Variants in ZNF544 observed in about 807,000 individuals in gnomAD.
The protein encoded by ZNF544 is zinc finger protein AF020591.
A neutral mutation model predicts 13.5 loss-of-function variants in ZNF544; 10 were observed. That is an observed-to-expected ratio of 0.74 (90% CI 0.46 to 1.25). ZNF544 has a LOEUF of 1.25. ZNF544 is among the 50% of genes most tolerant of loss of function. The pLI is 0.00. For synonymous variants in ZNF544, 323 were observed against 300.5 expected (o/e 1.07, Z -0.77); for missense variants, 896 against 845.6 (o/e 1.06, Z -0.74).
At chr19:58,276,438 A>C in intron 6 of ZNF544, 1 of 1,212,530 alleles carries the variant, frequency 8.2e-7, no homozygotes, top group Non-Finnish European at 1.0e-6. Flanking sequence ...AGGTGAGTGA[A>C]GACATCTGTC....
intron 6 of ZNF544, among the ~76,000 whole-genome samples, chr19:58,249,849 G>A (rs1445471163): frequency 6.6e-6 from 1 of 152,126 alleles, no homozygotes; most frequent in African/African-American, 2.4e-5. Context: ...TTTGGGCAAT[G>A]TCATTCAAGC....
rs533306532 is a variant in ZNF544, at chr19:58,262,825, G to T, written c.*71G>T. 155 of 1,527,552 alleles carry T rather than the reference G, an allele frequency of 1.0e-4. 3 individuals carry two copies. The South Asian group carries it at 1.8e-3, about 18-fold the overall frequency. The allele number at this position is 1,527,552 out of a possible 1,614,324, so 94.6% of individuals were successfully genotyped here. ...ATCATGCACCAGAGGACGCATGTCG[G>T]TGGGAAGAGCTATCAGTGTGACGTG... is the stretch of plus-strand genomic sequence containing the variant. On this transcript the variant is annotated 3_prime_UTR_variant, in exon 7 of 7. Coordinates refer to ENST00000687789, the MANE Select transcript of ZNF544 (RefSeq NM_014480.4).
chr19:58,234,769 A>G (rs1600212987), intron 3 of ZNF544, among the ~76,000 whole-genome samples: 1 of 152,262 alleles, frequency 6.6e-6, no homozygotes, highest in African/African-American at 2.4e-5. Context: ...ATTCAGAAAC[A>G]TTAAACTCTT....
In ZNF544 at chr19:58,272,427, C is replaced by T. The variant is rs1009959315; in HGVS notation, c.245-3896C>T. 7.9e-5 allele frequency among the ~76,000 whole-genome samples: 12 copies of T among 152,022 alleles called. 1 individual carries two copies. The highest frequency in any genetic ancestry group is 2.1e-4 in the South Asian group (1 of 4,808). On this transcript the variant is annotated intron_variant, in intron 5 of 6. Transcript: ENST00000595981. ...AAATAAAAAACCAGGTGTGGTGGCA[C>T]GCGCCTGTTGTTCCAGCTACTCAGG...
chr19:58,244,045 G>C lies in ZNF544; in HGVS notation c.22G>C (p.Val8Leu), dbSNP rs758838057. The change falls in exon 4 of 7, where the codon GTT becomes CTT. Residue 8 changes from valine to leucine, a missense_variant. Coordinates refer to ENST00000687789, the MANE Select transcript of ZNF544 (RefSeq NM_014480.4). ...GGAAATGGAAGCACGTTCTATGCTG[G>C]TTCCACCCCAGGTGAGTGGGGGGTC... Reference protein sequence around the residue: MEARSMLVPPQASVCFED... With the variant: MEARSMLLPPQASVCFED... The C allele has an allele frequency of 3.1e-6, 5 of 1,607,582 alleles. No homozygotes were observed. Among genetic ancestry groups the C allele is most frequent in the Non-Finnish European group, 3.4e-6 (4 of 1,176,876 alleles).
At chr19:58,275,508 A>G (rs1381170054) in intron 5 of ZNF544, among the ~76,000 whole-genome samples, 1 of 146,852 alleles carries the variant, frequency 6.8e-6, no homozygotes, top group East Asian at 2.2e-4. Context: ...GGAGATAAAC[A>G]AGAACTAGAA....
chr19:58,235,271 A>T (rs2042144408), intron 3 of ZNF544, among the ~76,000 whole-genome samples: 1 of 152,240 alleles, frequency 6.6e-6, no homozygotes, highest in Non-Finnish European at 1.5e-5. Context: ...GTATATGTAA[A>T]TATATCTAAA....
intron 6 of ZNF544, chr19:58,277,114 A>C: frequency 8.7e-7 from 1 of 1,147,862 alleles, no homozygotes; most frequent in Non-Finnish European, 1.1e-6. Flanking sequence ...GGCCTAGAGC[A>C]GGAGCTCAGT....
At position 58,236,816 on chromosome 19, in the gene ZNF544, A is replaced by G. The variant is rs373731051; in HGVS notation, c.-60+6354A>G. 1.5e-4 allele frequency among the ~76,000 whole-genome samples: 22 copies of G among 149,964 alleles called. 1 individual carries two copies. In the East Asian group the frequency reaches 4.0e-3, roughly 27 times the overall value. On this transcript the variant is annotated intron_variant, in intron 3 of 6. Coordinates refer to ENST00000687789, the MANE Select transcript of ZNF544 (RefSeq NM_014480.4). ...GAGTGCAGTGGCGGGATCTCAGCTC[A>G]CTGCAACCTCCATTCCCCGGGTTCA...
At chr19:58,241,144 A>AAAATATATATATATTTTAAT (rs1555755486) in intron 3 of ZNF544, among the ~76,000 whole-genome samples, 122 of 73,708 alleles carry the variant, frequency 1.7e-3, no homozygotes, top group Non-Finnish European at 2.3e-3. Context: ...GCCAATTTAA[A>AAAATATATATATATTTTAAT]ATATATATAT....
In ZNF544 at chr19:58,262,390, A is replaced by G; in HGVS notation, c.1784A>G (p.Lys595Arg). ...FSQSYQLVAH[K>R]RTHTGEKPYE... ...CAAAGCTATCAGTTAGTTGCACATA[A>G]AAGAACTCACACTGGAGAAAAGCCC... Residue 595 changes from lysine (K) to arginine (R), a missense_variant, in exon 7 of 7, where the codon AAA (lysine) becomes AGA (arginine). Physicochemically the swap from Lys to Arg is conservative, Grantham distance 26 (BLOSUM62 2). Transcript: ENST00000687789. 1 of 1,614,212 alleles carries G rather than the reference A, an allele frequency of 6.2e-7. No individual in the cohort carries two copies.
intron 3 of ZNF544, among the ~76,000 whole-genome samples, chr19:58,236,897 A>G (rs1411447882): frequency 6.6e-6 from 1 of 151,656 alleles, no homozygotes; most frequent in Admixed American, 6.6e-5. Flanking sequence ...GCGCGCCACC[A>G]TGCCCAGCTA....
downstream of ZNF544, among the ~76,000 whole-genome samples, chr19:58,265,230 G>GA (rs942651784): frequency 6.6e-6 from 1 of 151,908 alleles, no homozygotes; most frequent in Non-Finnish European, 1.5e-5. Context: ...TTTCCTAAAA[G>GA]AAAAAAATGT....
At chr19:58,260,722 A>T in intron 6 of ZNF544, 129 bp from the exon 7 acceptor site, 1 of 850,218 alleles carries the variant, frequency 1.2e-6, no homozygotes, top group Non-Finnish European at 1.8e-6. Flanking sequence ...CAGCCTGCAT[A>T]CGGATTACAG....
chr19:58,246,126 T>C (rs1166688489), intron 4 of ZNF544, among the ~76,000 whole-genome samples, 175 bp from the exon 5 acceptor site: 1 of 152,194 alleles, frequency 6.6e-6, no homozygotes, highest in African/African-American at 2.4e-5. Context: ...CAAGCCTCTT[T>C]TATGAGGACA....
At chr19:58,275,660 T>C (rs1341660547) in intron 5 of ZNF544, among the ~76,000 whole-genome samples, 2 of 151,486 alleles carry the variant, frequency 1.3e-5, no homozygotes, top group African/African-American at 4.9e-5. Context: ...AATACAAAAA[T>C]TAGCCAGGCA....
At chr19:58,272,712 G>A (rs762940001) in intron 5 of ZNF544, among the ~76,000 whole-genome samples, 7 of 151,088 alleles carry the variant, frequency 4.6e-5, no homozygotes, top group African/African-American at 1.2e-4. Context: ...GTGAAACCCC[G>A]TCTCTACTAA....
rs260464 is a variant in ZNF544 at position 58,263,396 on chromosome 19, G to T, written c.*642G>T. On this transcript the variant is annotated 3_prime_UTR_variant, in exon 7 of 7. Transcript: ENST00000687789. ...GGATCACTTGAGCTTGGGAGGCGGT[G>T]GTTGCAGTGAGCTGTGATCATGCCA... 548,595 of 979,550 alleles carry T rather than the reference G, an allele frequency of 0.56. 154,457 individuals carry two copies. Among genetic ancestry groups the T allele is most frequent in the Middle Eastern group, 0.67 (1,281 of 1,904 alleles). 60.7% of individuals were successfully genotyped at this position (979,550 alleles called of 1,614,324 possible). A position where few individuals can be genotyped will look rare whatever the true frequency, so the allele number is the denominator to read the frequency against.
intron 3 of ZNF544, among the ~76,000 whole-genome samples, chr19:58,241,299 A>T (rs1015769071): frequency 6.7e-6 from 1 of 149,398 alleles, no homozygotes; most frequent in Non-Finnish European, 1.5e-5. Context: ...GGCGTGAGCC[A>T]ATGTGCCTGG....
Sources: gnomAD v4.1 joint callset for allele counts (sites outside exome capture counted in the v4.1 genomes callset) on GRCh38, gnomAD v4.1.1 for gene constraint, MANE v1.5 for transcripts, NCBI Gene and HGNC (gene_info 2026-07-23, HGNC 2026-07-21) for gene names.